STXBP5L: variants seen among roughly 807,000 people sequenced by gnomAD.
The protein encoded by STXBP5L is syntaxin binding protein 5L, also known as syntaxin-binding protein 5-like.
Under a neutral mutation model 144.5 loss-of-function variants are expected in STXBP5L, and 65 were observed. The observed-to-expected ratio is 0.45, with a 90% CI of 0.37 to 0.55. STXBP5L has a LOEUF of 0.55. STXBP5L is among the 20% of genes least tolerant of loss of function. STXBP5L has a pLI of 0.00. For missense variants in STXBP5L, 1,298 were observed against 1,405.5 expected, an observed-to-expected ratio of 0.92 and a Z score of 1.22; for synonymous variants, 505 against 469.6, an observed-to-expected ratio of 1.08 and a Z score of -0.97.
chr3:121,163,834 C>T (rs760813377), intron 9 of STXBP5L, among the ~76,000 whole-genome samples: 1 of 150,444 alleles, frequency 6.6e-6, no homozygotes, highest in Non-Finnish European at 1.5e-5. Flanking sequence ...TCTAAAGACT[C>T]CAAAAGAGAA....
chr3:121,258,908 G>T (rs2050294607), intron 17 of STXBP5L, 135 bp from the exon 18 acceptor site: 1 of 763,646 alleles, frequency 1.3e-6, no homozygotes, highest in African/African-American at 1.8e-5. Context: ...AAACTAGAAG[G>T]CACCATCCAT....
intron 20 of STXBP5L, among the ~76,000 whole-genome samples, chr3:121,355,700 AG>A (rs1376043208): frequency 6.6e-6 from 1 of 152,140 alleles, no homozygotes; most frequent in Non-Finnish European, 1.5e-5. Context: ...AACTCGTTAA[AG>A]TCATTCTCCA....
chr3:121,181,171 A>G, intron 9 of STXBP5L, among the ~76,000 whole-genome samples: 1 of 141,530 alleles, frequency 7.1e-6, no homozygotes, highest in Non-Finnish European at 1.5e-5. Flanking sequence ...GGGGGAGGGG[A>G]GGGGAGAGGA....
At position 121,091,077 on chromosome 3, in the gene STXBP5L, T is replaced by C. The variant is rs961537207; in HGVS notation, c.471-23848T>C. Among the ~76,000 whole-genome samples, 78 of 150,618 alleles carry C rather than the reference T, an allele frequency of 5.2e-4. 1 individual carries two copies. Among genetic ancestry groups the C allele is most frequent in the Admixed American group, 1.5e-3 (22 of 14,824 alleles). On this transcript the variant is annotated intron_variant, in intron 5 of 26. Coordinates refer to ENST00000471454, the MANE Select transcript of STXBP5L (RefSeq NM_001308330.2). Reference sequence around the variant, plus strand: ...GTTTACTGAGAATGATGCTTTCCAATTTCATCCATGTCCCTACAAAGGACA... The same window carrying C: ...GTTTACTGAGAATGATGCTTTCCAACTTCATCCATGTCCCTACAAAGGACA...
At chr3:121,118,280 C>A (rs1471277692) in intron 6 of STXBP5L, among the ~76,000 whole-genome samples, 1 of 151,694 alleles carries the variant, frequency 6.6e-6, no homozygotes, top group Non-Finnish European at 1.5e-5. Context: ...GACATGGGAT[C>A]TCAAAGTGGT....
chr3:121,329,587 C>T (rs1023251800), intron 20 of STXBP5L, among the ~76,000 whole-genome samples: 10 of 152,240 alleles, frequency 6.6e-5, no homozygotes, highest in South Asian at 2.1e-4. Context: ...AGGGGTGGGA[C>T]GGGTGGCCCA....
chr3:121,220,791 C>T (rs569899996), intron 10 of STXBP5L, among the ~76,000 whole-genome samples: 1 of 152,006 alleles, frequency 6.6e-6, no homozygotes, highest in Non-Finnish European at 1.5e-5. Flanking sequence ...TGTCCTGGTA[C>T]TCACTAGCTG....
chr3:121,019,689 T>A (rs937895656), intron 3 of STXBP5L, among the ~76,000 whole-genome samples: 2 of 152,160 alleles, frequency 1.3e-5, no homozygotes, highest in African/African-American at 4.8e-5. Flanking sequence ...TCGCACAGTT[T>A]GGCTCTCAGG....
chr3:120,938,929 G>A (rs1406387628), intron 2 of STXBP5L, among the ~76,000 whole-genome samples: 2 of 151,946 alleles, frequency 1.3e-5, no homozygotes, highest in African/African-American at 2.4e-5. Context: ...CTACAGGGGC[G>A]AAACACCATT....
intron 3 of STXBP5L, among the ~76,000 whole-genome samples, chr3:121,007,861 C>T (rs1024711334): frequency 6.6e-6 from 1 of 151,926 alleles, no homozygotes; most frequent in African/African-American, 2.4e-5. Flanking sequence ...TACACAGTTA[C>T]TCTTATGCTC....
At chr3:120,955,201 T>A (rs1253752683) in intron 3 of STXBP5L, among the ~76,000 whole-genome samples, 164 bp downstream of exon 3, 2 of 152,108 alleles carry the variant, frequency 1.3e-5, no homozygotes, top group African/African-American at 4.8e-5. Context: ...GGCATATTTT[T>A]AATGTCTTTG....
intron 3 of STXBP5L, among the ~76,000 whole-genome samples, chr3:120,990,497 C>T (rs1325775015): frequency 1.3e-5 from 2 of 152,112 alleles, no homozygotes; most frequent in Non-Finnish European, 2.9e-5. Context: ...CCCACATCGC[C>T]AAGTCAATCC....
chr3:121,120,869 A>G (rs1424642428), intron 6 of STXBP5L, among the ~76,000 whole-genome samples: 1 of 151,280 alleles, frequency 6.6e-6, no homozygotes, highest in Non-Finnish European at 1.5e-5. Context: ...AAGTGGAGCA[A>G]TAATAAAACC....
chr3:121,346,959 A>T, intron 20 of STXBP5L, among the ~76,000 whole-genome samples: 1 of 152,214 alleles, frequency 6.6e-6, no homozygotes, highest in Non-Finnish European at 1.5e-5. Flanking sequence ...TAGTTTAATT[A>T]GATCCCATTT....
chr3:120,954,689 A>G (rs1937823873), intron 2 of STXBP5L, among the ~76,000 whole-genome samples: 2 of 152,118 alleles, frequency 1.3e-5, no homozygotes, highest in Non-Finnish European at 2.9e-5. Context: ...TGGAATTGCT[A>G]GATTGTAAGA....
chr3:121,344,623 C>G (rs1220443213), intron 20 of STXBP5L, among the ~76,000 whole-genome samples: 2 of 151,840 alleles, frequency 1.3e-5, no homozygotes, highest in African/African-American at 4.8e-5. Flanking sequence ...CACGACAATA[C>G]AAATACAATA....
intron 7 of STXBP5L, among the ~76,000 whole-genome samples, chr3:121,138,464 A>C (rs1012461849): frequency 4.6e-5 from 7 of 151,892 alleles, no homozygotes; most frequent in African/African-American, 1.7e-4. Context: ...GTCTTGACCA[A>C]AAAGAACAAA....
intron 14 of STXBP5L, among the ~76,000 whole-genome samples, chr3:121,241,717 G>C (rs573272594): frequency 2.0e-4 from 31 of 152,254 alleles, no homozygotes; most frequent in African/African-American, 6.7e-4. Flanking sequence ...AAGAAAGAGG[G>C]TGGGACTGCA....
At chr3:121,047,713 A>G (rs539228309) in intron 5 of STXBP5L, among the ~76,000 whole-genome samples, 1 of 152,048 alleles carries the variant, frequency 6.6e-6, no homozygotes, top group Non-Finnish European at 1.5e-5. Flanking sequence ...ATTTTCCTCT[A>G]TCCCTTTACT....
Sources: gnomAD v4.1 joint callset for allele counts (sites outside exome capture counted in the v4.1 genomes callset) on GRCh38, gnomAD v4.1.1 for gene constraint, MANE v1.5 for transcripts, NCBI Gene and HGNC (gene_info 2026-07-23, HGNC 2026-07-21) for gene names.